TASP1: variants seen among roughly 807,000 people sequenced by gnomAD.
TASP1 encodes taspase 1, also known as threonine aspartase 1.
A neutral mutation model predicts 56.6 loss-of-function variants in TASP1; 16 were observed. The observed-to-expected ratio is 0.28, with a 90% CI of 0.19 to 0.43. The LOEUF is 0.43. Ranked by LOEUF, TASP1 falls within the 20% of genes least tolerant of loss-of-function variation. The probability of loss-of-function intolerance (pLI) is 1.00; values close to 1 mark genes in which losing one functional copy is unlikely to be tolerated. For synonymous variants in TASP1, 179 were observed against 184.2 expected (o/e 0.97, Z 0.23); for missense variants, 393 against 511.6 (o/e 0.77, Z 2.24).
chr20:13,320,980 G>C, the TASP1 span, among the ~76,000 whole-genome samples: 1 of 151,984 alleles, frequency 6.6e-6, no homozygotes, highest in African/African-American at 2.4e-5. Flanking sequence ...TGGTGGATCA[G>C]TTGGGGTCAG....
chr20:13,405,671 C>G (rs1470125754), intron 13 of TASP1, among the ~76,000 whole-genome samples: 1 of 151,886 alleles, frequency 6.6e-6, no homozygotes, highest in South Asian at 2.1e-4. Context: ...CTCAGCCTCC[C>G]GAGCAGCTGG....
the TASP1 span, among the ~76,000 whole-genome samples, chr20:13,122,337 C>G: frequency 6.6e-6 from 1 of 152,192 alleles, no homozygotes; most frequent in Non-Finnish European, 1.5e-5. Flanking sequence ...ATGAGTAGAT[C>G]AGGAACTCCC....
At chr20:13,126,527 T>A in the TASP1 span, 20 of 1,587,260 alleles carry the variant, frequency 1.3e-5, no homozygotes, top group African/African-American at 1.2e-4. Context: ...GGACTAGATG[T>A]AATTCCCACC....
intron 11 of TASP1, among the ~76,000 whole-genome samples, chr20:13,438,605 T>C (rs199566002): frequency 2.0e-5 from 3 of 152,142 alleles, no homozygotes; most frequent in East Asian, 3.8e-4. Flanking sequence ...GCAAGGACTT[T>C]ATGTCTAAAA....
the TASP1 span, among the ~76,000 whole-genome samples, chr20:13,268,912 T>C: frequency 6.6e-6 from 1 of 152,102 alleles, no homozygotes; most frequent in Non-Finnish European, 1.5e-5. Flanking sequence ...AGACCCTGTC[T>C]CTAAAAAATG....
the TASP1 span, among the ~76,000 whole-genome samples, chr20:13,304,069 T>A: frequency 5.3e-5 from 8 of 152,152 alleles, no homozygotes; most frequent in Admixed American, 5.2e-4. Context: ...TGCCCTGGGG[T>A]CATCTCAATC....
the TASP1 span, among the ~76,000 whole-genome samples, chr20:13,125,832 G>T: frequency 6.6e-6 from 1 of 152,210 alleles, no homozygotes; most frequent in Non-Finnish European, 1.5e-5. Flanking sequence ...ACTGAACAAA[G>T]AAAATCACAA....
chr20:13,485,186 C>A (rs1021386476), intron 10 of TASP1, among the ~76,000 whole-genome samples: 3 of 151,980 alleles, frequency 2.0e-5, no homozygotes, highest in African/African-American at 7.2e-5. Context: ...GAAAAAAATG[C>A]CCTCTTCAAC....
chr20:13,282,221 C>T, the TASP1 span, among the ~76,000 whole-genome samples: 1 of 152,136 alleles, frequency 6.6e-6, no homozygotes, highest in Admixed American at 6.5e-5. Context: ...GGGTCCCAGG[C>T]ATCGTTGTCT....
chr20:13,433,520 C>CAAAAAAAAGAAAAAAAAAAAAAAA (rs2042886425), intron 12 of TASP1, among the ~76,000 whole-genome samples: 1 of 89,214 alleles, frequency 1.1e-5, no homozygotes, highest in African/African-American at 4.8e-5. Context: ...GACAGTATGG[C>CAAAAAAAAGAAAAAAAAAAAAAAA]AAAAAAAAAA....
intron 11 of TASP1, among the ~76,000 whole-genome samples, chr20:13,461,947 C>T (rs1357999687): frequency 6.6e-6 from 1 of 152,072 alleles, no homozygotes; most frequent in African/African-American, 2.4e-5. Flanking sequence ...GTGGAGGAGA[C>T]AATCATGTGT....
At chr20:13,459,589 G>T (rs2043977502) in intron 11 of TASP1, among the ~76,000 whole-genome samples, 2 of 152,066 alleles carry the variant, frequency 1.3e-5, no homozygotes, top group South Asian at 4.1e-4. Flanking sequence ...CTTCAATTTG[G>T]ACCCTTAATG....
At chr20:13,342,250 C>T in the TASP1 span, among the ~76,000 whole-genome samples, 3 of 152,192 alleles carry the variant, frequency 2.0e-5, no homozygotes, top group Non-Finnish European at 4.4e-5. Context: ...TTTGTTTTTC[C>T]AGCAGGGCGC....
At chr20:13,542,230 A>C (rs2045650701) in intron 8 of TASP1, among the ~76,000 whole-genome samples, 1 of 152,172 alleles carries the variant, frequency 6.6e-6, no homozygotes, top group East Asian at 1.9e-4. Context: ...CCAAACAATG[A>C]AACTATGTTA....
At chr20:13,164,913 T>C in the TASP1 span, 71 of 1,484,874 alleles carry the variant, frequency 4.8e-5, no homozygotes, top group African/African-American at 8.9e-4. Context: ...GAGAAAGACC[T>C]CCCTCCTTGC....
intron 4 of TASP1, among the ~76,000 whole-genome samples, chr20:13,609,686 CA>C (rs71188167): frequency 0.023 from 1,142 of 49,980 alleles, 11 homozygotes; most frequent in African/African-American, 0.07. Context: ...AACTCTGTCT[CA>C]AAAAAAAAAA....
At chr20:13,550,905 T>G (rs1402613083) in intron 8 of TASP1, among the ~76,000 whole-genome samples, 1 of 152,164 alleles carries the variant, frequency 6.6e-6, no homozygotes, top group Non-Finnish European at 1.5e-5. Flanking sequence ...TTTATTTTCT[T>G]TGATCTTAGC....
chr20:13,378,625 T>A, the TASP1 span, among the ~76,000 whole-genome samples: 38 of 152,292 alleles, frequency 2.5e-4, no homozygotes, highest in Middle Eastern at 3.4e-3. Flanking sequence ...GTCCTGAATA[T>A]CCTTGTTAAT....
At chr20:13,202,523 T>A in the TASP1 span, among the ~76,000 whole-genome samples, 1 of 152,226 alleles carries the variant, frequency 6.6e-6, no homozygotes, top group South Asian at 2.1e-4. Flanking sequence ...ACTATGTCCA[T>A]CTTTAGCACA....
Sources: allele counts gnomAD v4.1 joint callset (sites outside exome capture counted in the v4.1 genomes callset), GRCh38; gene constraint gnomAD v4.1.1; transcripts MANE v1.5; gene names NCBI Gene and HGNC (gene_info 2026-07-23, HGNC 2026-07-21).